Variants in BICC1 observed in about 807,000 individuals in gnomAD.
BICC1 encodes protein bicaudal C homolog 1.
BICC1 carries 43 observed loss-of-function variants against 111.0 expected under a neutral mutation model. The observed-to-expected ratio is 0.39, with a 90% CI of 0.30 to 0.50. The LOEUF is 0.50. Among genes scored for constraint, BICC1 ranks in the 20% least tolerant of loss-of-function variants. BICC1 has a pLI of 0.88. For synonymous variants in BICC1, 467 were observed against 434.4 expected (o/e 1.07, Z -0.93); for missense variants, 1,091 against 1,203.2 (o/e 0.91, Z 1.38).
chr10:58,601,436 A>G (rs1845037606), intron 1 of BICC1, among the ~76,000 whole-genome samples: 1 of 151,670 alleles, frequency 6.6e-6, no homozygotes, highest in African/African-American at 2.4e-5. Context: ...TGACCTTAAA[A>G]TGTTTGAAAA....
intron 3 of BICC1, among the ~76,000 whole-genome samples, chr10:58,760,073 G>A (rs1239655668): frequency 6.6e-6 from 1 of 152,080 alleles, no homozygotes; most frequent in Non-Finnish European, 1.5e-5. Context: ...TCATAAGCGC[G>A]TTTTAAGCAA....
chr10:58,558,659 T>C (rs533816260), intron 1 of BICC1, among the ~76,000 whole-genome samples: 2 of 152,262 alleles, frequency 1.3e-5, no homozygotes, highest in African/African-American at 4.8e-5. Context: ...TAAGCAACAT[T>C]CTTAGTTTCT....
chr10:58,757,954 A>C (rs1589108668), intron 3 of BICC1, among the ~76,000 whole-genome samples: 2 of 152,314 alleles, frequency 1.3e-5, no homozygotes, highest in Middle Eastern at 6.8e-3. Context: ...TTCCTATCTC[A>C]GAAACAACCC....
intron 1 of BICC1, among the ~76,000 whole-genome samples, chr10:58,525,727 G>A (rs117981619): frequency 0.046 from 6,936 of 151,460 alleles, 231 homozygotes; most frequent in Middle Eastern, 0.072. Context: ...ATTTTTTAAA[G>A]CAATACAAGG....
intron 3 of BICC1, among the ~76,000 whole-genome samples, chr10:58,705,333 G>A (rs572342107): frequency 1.6e-4 from 25 of 152,258 alleles, no homozygotes; most frequent in East Asian, 7.7e-4. Context: ...TTCTACAGTC[G>A]CTTCTGGATA....
chr10:58,681,955 G>A (rs1839537938), intron 2 of BICC1, among the ~76,000 whole-genome samples: 1 of 151,748 alleles, frequency 6.6e-6, no homozygotes, highest in African/African-American at 2.4e-5. Flanking sequence ...GCATATTGGT[G>A]TGCTGCACCC....
At chr10:58,590,364 C>T (rs1844573071) in intron 1 of BICC1, among the ~76,000 whole-genome samples, 1 of 152,140 alleles carries the variant, frequency 6.6e-6, no homozygotes, top group African/African-American at 2.4e-5. Context: ...GGAGTTGTGT[C>T]TGCTGGTTCT....
intron 1 of BICC1, among the ~76,000 whole-genome samples, chr10:58,527,384 T>G (rs1842572228): frequency 6.6e-6 from 1 of 152,252 alleles, no homozygotes; most frequent in South Asian, 2.1e-4. Flanking sequence ...CTGTTCACTC[T>G]GATGGTAGTT....
chr10:58,656,348 A>G (rs542835062), intron 2 of BICC1, among the ~76,000 whole-genome samples: 64 of 150,974 alleles, frequency 4.2e-4, no homozygotes, highest in Middle Eastern at 6.8e-3. Context: ...AACTCATTTT[A>G]TGAGGCCAGC....
At chr10:58,819,316 A>G (rs1022491465) in intron 19 of BICC1, among the ~76,000 whole-genome samples, 14 of 152,186 alleles carry the variant, frequency 9.2e-5, no homozygotes, top group Non-Finnish European at 1.6e-4. Flanking sequence ...TGATGGCCTA[A>G]GGTTTTCTAA....
At position 58,800,290 on chromosome 10, in the gene BICC1, T is replaced by C. The variant is rs148875381; in HGVS notation, c.1822T>C (p.Ser608Pro). ...GGATCCGTCCATCCAGACAAGTGGG[T>C]CTGAGCAGACATCTCCCAAATCAAG... is the stretch of plus-strand genomic sequence containing the variant. ...HGDPSIQTSG[S>P]EQTSPKSSPT... The change falls in exon 13 of 21, where the codon TCT (serine) becomes CCT (proline). Residue 608 changes from serine (S) to proline (P), a missense_variant. Coordinates refer to ENST00000373886, the MANE Select transcript of BICC1 (RefSeq NM_001080512.3). 142 of 1,613,700 alleles carry C rather than the reference T, an allele frequency of 8.8e-5. No homozygotes were observed. In the East Asian group the frequency reaches 1.7e-3, roughly 19 times the overall value.
At chr10:58,526,069 G>A (rs1842533381) in intron 1 of BICC1, among the ~76,000 whole-genome samples, 1 of 151,842 alleles carries the variant, frequency 6.6e-6, no homozygotes, top group African/African-American at 2.4e-5. Flanking sequence ...AGTTGCAAAA[G>A]CAGCAGCCAA....
chr10:58,670,300 G>C (rs867533918), intron 2 of BICC1, among the ~76,000 whole-genome samples: 1 of 152,032 alleles, frequency 6.6e-6, no homozygotes, highest in Non-Finnish European at 1.5e-5. Flanking sequence ...TTTTTTGGGG[G>C]TGGTTGTTGT....
At chr10:58,742,026 G>C (rs1433154677) in intron 3 of BICC1, among the ~76,000 whole-genome samples, 1 of 152,142 alleles carries the variant, frequency 6.6e-6, no homozygotes, top group South Asian at 2.1e-4. Context: ...AAAATGAAAG[G>C]TATACTTTTG....
At chr10:58,602,914 G>C (rs953903059) in intron 1 of BICC1, among the ~76,000 whole-genome samples, 2 of 152,138 alleles carry the variant, frequency 1.3e-5, no homozygotes, top group Non-Finnish European at 2.9e-5. Context: ...CTGGATTATA[G>C]ACTTGGTCTT....
chr10:58,591,082 T>A (rs1037389887), intron 1 of BICC1, among the ~76,000 whole-genome samples: 2 of 151,582 alleles, frequency 1.3e-5, no homozygotes, highest in Admixed American at 1.3e-4. Flanking sequence ...TGGCTCAGCA[T>A]TTTTTTTTCT....
rs75905719 is a variant in BICC1, at chr10:58,563,835, A to G, written c.190+50502A>G. On this transcript the variant is annotated intron_variant, in intron 1 of 20. Transcript: ENST00000373886. ...TTAGCAATATGATGGGGTGATTGAA[A>G]TTTCTTGATAAAAGTTGCCAGTTTT... is the stretch of plus-strand genomic sequence containing the variant. 7.0e-3 allele frequency among the ~76,000 whole-genome samples: 1,066 copies of G among 152,306 alleles called. 8 individuals carry two copies. Among genetic ancestry groups the G allele is most frequent in the African/African-American group, 0.023 (942 of 41,558 alleles).
At chr10:58,771,688 A>C (rs1291549253) in intron 3 of BICC1, among the ~76,000 whole-genome samples, 1 of 152,166 alleles carries the variant, frequency 6.6e-6, no homozygotes, top group Non-Finnish European at 1.5e-5. Flanking sequence ...TTTTGGTGCA[A>C]TGGTGAGTAT....
intron 3 of BICC1, among the ~76,000 whole-genome samples, chr10:58,711,344 C>A (rs1435440298): frequency 6.6e-6 from 1 of 152,096 alleles, no homozygotes. Flanking sequence ...CATTCCAGTT[C>A]TTGAAGATCC....
Sources: gnomAD v4.1 joint callset for allele counts (sites outside exome capture counted in the v4.1 genomes callset) on GRCh38, gnomAD v4.1.1 for gene constraint, MANE v1.5 for transcripts, NCBI Gene and HGNC (gene_info 2026-07-23, HGNC 2026-07-21) for gene names.